The following N4BP2 variants were observed in gnomAD, a reference collection of about 807,000 sequenced individuals.
N4BP2 encodes the protein NEDD4-binding protein 2.
N4BP2 carries 91 observed loss-of-function variants against 152.8 expected under a neutral mutation model. The observed-to-expected ratio is 0.60, with a 90% confidence interval of 0.50 to 0.71. The LOEUF (loss-of-function observed/expected upper bound fraction) is 0.71, where lower values mean the gene tolerates loss of function less well. Ranked by LOEUF, N4BP2 falls within the 30% of genes least tolerant of loss-of-function variation. The pLI, the probability that N4BP2 is intolerant of heterozygous loss-of-function variation, is 0.00. For synonymous variants in N4BP2, 646 were observed against 705.3 expected, an observed-to-expected ratio of 0.92 and a Z score of 1.33; for missense variants, 1,923 against 2,059.1, an observed-to-expected ratio of 0.93 and a Z score of 1.28.
intron 12 of N4BP2, among the ~76,000 whole-genome samples, chr4:40,129,607 A>G (rs1718733399): frequency 6.6e-6 from 1 of 152,016 alleles, no homozygotes; most frequent in Non-Finnish European, 1.5e-5. Context: ...TTACCTTCAC[A>G]TGCAGCCTGA....
Position 40,131,935 on chromosome 4 carries a change from A to G in N4BP2, c.4646+16A>G. ...AGGACCACAAGTGAGTGCTAGAAGGATTGTCTGTAGTTTCTACTCTGATGT... is the reference window on the plus strand; with the variant it reads ...AGGACCACAAGTGAGTGCTAGAAGGGTTGTCTGTAGTTTCTACTCTGATGT... On this transcript the variant is annotated intron_variant, in intron 13 of 17. Coordinates refer to ENST00000261435, the MANE Select transcript of N4BP2 (RefSeq NM_018177.6). 2.1e-6 allele frequency: 3 copies of G among 1,444,456 alleles called. No individual in the cohort carries two copies. Among genetic ancestry groups the G allele is most frequent in the African/African-American group, 1.4e-5 (1 of 71,606 alleles). 89.5% of individuals were successfully genotyped at this position (1,444,456 alleles called of 1,614,324 possible).
chr4:40,097,175 T>C, intron 2 of N4BP2, 52 bp from the exon 3 acceptor site: 1 of 563,810 alleles, frequency 1.8e-6, no homozygotes. Flanking sequence ...ATTCCGATTT[T>C]AGAAATGGAA....
At chr4:40,095,363 GA>G (rs1410593748) in intron 2 of N4BP2, among the ~76,000 whole-genome samples, 1 of 152,214 alleles carries the variant, frequency 6.6e-6, no homozygotes, top group Non-Finnish European at 1.5e-5. Context: ...TTACAGGCGT[GA>G]GCCATAACGC....
At position 40,152,840 on chromosome 4, in the gene N4BP2, G is replaced by A; in HGVS notation, c.5204G>A (p.Ser1735Asn). The change falls in exon 17 of 18, where the codon AGC becomes AAC. Residue 1735 changes from serine (S) to asparagine (N), a missense_variant. Ser to Asn is a conservative substitution (Grantham distance 46). Transcript: ENST00000261435. ...LSVITGRGNH[S>N]QGGVARIKPA... is the part of the protein sequence containing the mutation. ...GTGATTACGGGGAGAGGAAACCACA[G>A]CCAGGGAGGAGTTGCTCGCATCAAA... is the stretch of plus-strand genomic sequence containing the variant. The A allele has an allele frequency of 6.2e-7, 1 of 1,614,092 alleles. No individual in the cohort carries two copies. Among genetic ancestry groups the A allele is most frequent in the South Asian group, 1.1e-5 (1 of 91,086 alleles).
chr4:40,099,420 T>G (rs1715408296), intron 3 of N4BP2, among the ~76,000 whole-genome samples: 1 of 152,022 alleles, frequency 6.6e-6, no homozygotes, highest in Non-Finnish European at 1.5e-5. Flanking sequence ...TTTTTTTTTT[T>G]GTATTTTTAG....
chr4:40,118,904 C>G (rs2109991937), intron 8 of N4BP2, among the ~76,000 whole-genome samples: 1 of 152,180 alleles, frequency 6.6e-6, no homozygotes, highest in South Asian at 2.1e-4. Flanking sequence ...AAAGAAGAAA[C>G]CACAGGTCTG....
Position 40,065,935 on chromosome 4 carries a change from AT to A in N4BP2, c.-211-7509del, listed in dbSNP as rs61125129. Among the ~76,000 whole-genome samples, 285 of 146,686 alleles carry A rather than the reference AT, an allele frequency of 1.9e-3. 2 individuals are homozygous for A. Among genetic ancestry groups the A allele is most frequent in the African/African-American group, 4.4e-3 (176 of 40,156 alleles). On this transcript the variant is annotated intron_variant, in intron 1 of 17. Transcript: ENST00000261435. Reference sequence around the variant, plus strand: ...TGGACCTATAAAGATCCAGTAAAGCATTTTTTTTTTTCTTGAGATGGAGTCT... The same window carrying A: ...TGGACCTATAAAGATCCAGTAAAGCATTTTTTTTTTCTTGAGATGGAGTCT...
intron 2 of N4BP2, among the ~76,000 whole-genome samples, chr4:40,077,051 G>A (rs1712817886): frequency 6.6e-6 from 1 of 151,626 alleles, no homozygotes; most frequent in Non-Finnish European, 1.5e-5. Flanking sequence ...TTTTTTGATG[G>A]TCTTAAGGAG....
At chr4:40,170,390 A>G in the N4BP2 span, among the ~76,000 whole-genome samples, 1 of 151,900 alleles carries the variant, frequency 6.6e-6, no homozygotes, top group African/African-American at 2.4e-5. Flanking sequence ...AGACTGACGC[A>G]GGCAGATCAC....
chr4:40,097,717 G>A lies in N4BP2; in HGVS notation c.229+148G>A, dbSNP rs1044466743. On this transcript the variant is annotated intron_variant, in intron 3 of 17. Transcript: ENST00000261435. The stretch of plus-strand genomic sequence containing the variant: ...TGCTGTTGGCAAGTTACTAAGGTTG[G>A]TATTTGAGTTGGTATTTGGGATATG... The A allele has an allele frequency of 8.1e-6, 5 of 617,828 alleles. No individual in the cohort carries two copies. The Admixed American group carries it at 1.5e-4, about 18-fold the overall frequency. The allele number at this position is 617,828 out of a possible 1,614,324, so 38.3% of individuals were successfully genotyped here. A position where few individuals can be genotyped will look rare whatever the true frequency, so the allele number is the denominator to read the frequency against.
In N4BP2 at chr4:40,152,827, A is replaced by G; in HGVS notation, c.5191A>G (p.Arg1731Gly). The G allele has an allele frequency of 3.1e-6, 5 of 1,614,020 alleles. No homozygotes were observed. Among genetic ancestry groups the G allele is most frequent in the Non-Finnish European group, 3.4e-6 (4 of 1,179,888 alleles). ...GKPYLSVITG[R>G]GNHSQGGVAR... is the part of the protein sequence containing the mutation. The stretch of plus-strand genomic sequence containing the variant: ...GCCCTATTTGTCTGTGATTACGGGG[A>G]GAGGAAACCACAGCCAGGGAGGAGT... The change falls in exon 17 of 18, where the codon AGA (arginine) becomes GGA (glycine). Residue 1731 changes from arginine (R) to glycine (G), a missense_variant. By Grantham distance (125) the Arg-to-Gly change is moderately radical. Transcript: ENST00000261435.
At chr4:40,074,747 C>A (rs534471304) in intron 2 of N4BP2, among the ~76,000 whole-genome samples, 1 of 152,214 alleles carries the variant, frequency 6.6e-6, no homozygotes, top group South Asian at 2.1e-4. Flanking sequence ...TGCCTCACGC[C>A]TGTAATCCCA....
chr4:40,142,374 T>C (rs1467300138), intron 14 of N4BP2: 4 of 304,838 alleles, frequency 1.3e-5, no homozygotes, highest in Non-Finnish European at 2.5e-5. Context: ...ATTTTGAGAC[T>C]GAACTCGCCT....
intron 2 of N4BP2, among the ~76,000 whole-genome samples, chr4:40,076,915 A>C (rs186059134): frequency 6.6e-6 from 1 of 152,200 alleles, no homozygotes; most frequent in East Asian, 1.9e-4. Context: ...GACATTGATG[A>C]TACTGGTTTT....
At chr4:40,087,597 C>T (rs1372453572) in intron 2 of N4BP2, among the ~76,000 whole-genome samples, 1 of 151,810 alleles carries the variant, frequency 6.6e-6, no homozygotes, top group East Asian at 1.9e-4. Context: ...ACTCTGGCCT[C>T]AAATGATCTG....
the N4BP2 span, among the ~76,000 whole-genome samples, chr4:40,188,611 G>C: frequency 1.3e-5 from 2 of 152,022 alleles, no homozygotes; most frequent in Non-Finnish European, 2.9e-5. Flanking sequence ...GGGCGGGGTG[G>C]TGTGTGCCTG....
At chr4:40,097,653 ATGTCT>A in intron 3 of N4BP2, 84 bp downstream of exon 3, 1 of 782,870 alleles carries the variant, frequency 1.3e-6, no homozygotes, top group East Asian at 2.7e-5. Flanking sequence ...ATATAGAAAA[ATGTCT>A]TGTTTCTATT....
chr4:40,135,192 T>C (rs1195316013), intron 13 of N4BP2, among the ~76,000 whole-genome samples: 1 of 149,746 alleles, frequency 6.7e-6, no homozygotes, highest in East Asian at 2.0e-4. Flanking sequence ...AGTGAGAATA[T>C]ACGGTGTTTG....
chr4:40,177,020 C>T, the N4BP2 span, among the ~76,000 whole-genome samples: 1 of 152,332 alleles, frequency 6.6e-6, no homozygotes, highest in Non-Finnish European at 1.5e-5. Context: ...TAAGAACCCC[C>T]TCTTTGGCGG....
Sources: gnomAD v4.1 joint callset for allele counts (sites outside exome capture counted in the v4.1 genomes callset) on GRCh38, gnomAD v4.1.1 for gene constraint, MANE v1.5 for transcripts, NCBI Gene and HGNC (gene_info 2026-07-23, HGNC 2026-07-21) for gene names.